CCDC3: variants seen among roughly 807,000 people sequenced by gnomAD.
The protein encoded by CCDC3 is coiled-coil domain-containing protein 3.
In CCDC3, 24 loss-of-function variants were observed where a neutral mutation model predicts 21.4. The ratio of observed to expected loss-of-function variants is 1.12; its 90% CI spans 0.81 to 1.58. The LOEUF is 1.58. Among genes scored for constraint, CCDC3 ranks in the 40% most tolerant of loss-of-function variants. The probability of loss-of-function intolerance (pLI) is 0.00; values close to 1 mark genes in which losing one functional copy is unlikely to be tolerated. For synonymous variants in CCDC3, 186 were observed against 166.0 expected, an observed-to-expected ratio of 1.12 and a Z score of -0.93; for missense variants, 425 against 360.9, an observed-to-expected ratio of 1.18 and a Z score of -1.44.
intron 5 of CCDC3, among the ~76,000 whole-genome samples, chr10:13,044,586 A>G (rs1836500251): frequency 6.6e-6 from 1 of 152,138 alleles, no homozygotes; most frequent in African/African-American, 2.4e-5. Context: ...TCCCAGCACC[A>G]TTTATTGAAT....
At chr10:13,084,384 G>A (rs1437967562) in intron 3 of CCDC3, among the ~76,000 whole-genome samples, 1 of 151,562 alleles carries the variant, frequency 6.6e-6, no homozygotes, top group Non-Finnish European at 1.5e-5. Flanking sequence ...CACCTCTCGG[G>A]TTCAAGCGAT....
chr10:12,972,761 G>C (rs540906919), intron 2 of CCDC3, among the ~76,000 whole-genome samples: 6 of 150,530 alleles, frequency 4.0e-5, no homozygotes, highest in Non-Finnish European at 8.9e-5. Context: ...AGGTTGCAGT[G>C]AGCCGAGATC....
intron 5 of CCDC3, among the ~76,000 whole-genome samples, chr10:13,025,675 C>A (rs979947119): frequency 1.3e-5 from 2 of 152,288 alleles, no homozygotes; most frequent in East Asian, 1.9e-4. Context: ...GTTGAGTGGC[C>A]TTTTCCTACT....
At chr10:13,085,297 C>T (rs1452327316) in intron 3 of CCDC3, among the ~76,000 whole-genome samples, 2 of 152,222 alleles carry the variant, frequency 1.3e-5, no homozygotes, top group Non-Finnish European at 1.5e-5. Flanking sequence ...TCCAGTGGTT[C>T]TTCCCAAAGA....
intron 2 of CCDC3, among the ~76,000 whole-genome samples, chr10:12,948,299 T>C (rs1444519713): frequency 1.3e-5 from 2 of 152,176 alleles, no homozygotes; most frequent in Non-Finnish European, 2.9e-5. Context: ...CCTCTTTCCT[T>C]CATAAATTAC....
chr10:13,002,689 A>C (rs1359248099), upstream of CCDC3, among the ~76,000 whole-genome samples: 2 of 152,202 alleles, frequency 1.3e-5, no homozygotes, highest in Non-Finnish European at 2.9e-5. Flanking sequence ...CTGAATATTT[A>C]AATTATGCAA....
chr10:12,972,074 T>C (rs1301092567), intron 2 of CCDC3, among the ~76,000 whole-genome samples: 3 of 152,152 alleles, frequency 2.0e-5, no homozygotes, highest in African/African-American at 7.2e-5. Flanking sequence ...GCTGGGAGCC[T>C]GGACTTCTCT....
intron 2 of CCDC3, among the ~76,000 whole-genome samples, chr10:12,923,911 T>G (rs1834493854): frequency 6.6e-6 from 1 of 152,216 alleles, no homozygotes; most frequent in South Asian, 2.1e-4. Flanking sequence ...ACTCCAACCC[T>G]GCTCCTCTAC....
chr10:12,915,652 G>T (rs994397413), intron 2 of CCDC3, among the ~76,000 whole-genome samples: 5 of 152,206 alleles, frequency 3.3e-5, no homozygotes, highest in African/African-American at 1.2e-4. Flanking sequence ...CAGAGATTCT[G>T]GGCAGGCTGT....
intron 5 of CCDC3, among the ~76,000 whole-genome samples, chr10:13,037,534 T>C (rs747606685): frequency 6.6e-6 from 1 of 152,304 alleles, no homozygotes; most frequent in African/African-American, 2.4e-5. Flanking sequence ...AAAATTATCA[T>C]CTCTCTCCTC....
At chr10:12,929,125 G>C (rs572588177) in intron 2 of CCDC3, among the ~76,000 whole-genome samples, 2 of 152,022 alleles carry the variant, frequency 1.3e-5, no homozygotes, top group Non-Finnish European at 2.9e-5. Flanking sequence ...AGCTGGGCGC[G>C]ATGGCAGGCA....
chr10:13,054,246 T>C (rs1836652702), intron 4 of CCDC3, among the ~76,000 whole-genome samples: 1 of 151,704 alleles, frequency 6.6e-6, no homozygotes, highest in African/African-American at 2.4e-5. Context: ...ACAATCTGCA[T>C]TCCCTCCAAT....
intron 2 of CCDC3, among the ~76,000 whole-genome samples, chr10:12,982,879 G>A (rs1394775708): frequency 1.3e-5 from 2 of 149,654 alleles, no homozygotes; most frequent in African/African-American, 4.9e-5. Flanking sequence ...TTGGGTGGCC[G>A]AGGTGGGCAG....
In CCDC3 at chr10:12,907,700, G is replaced by A. The variant is rs191253252; in HGVS notation, c.550-9021C>T. ...CGATTTGTTCTGGTAAGATCTGGGA[G>A]CTGGATTTAAGGAGCCCTGAACTTG... On this transcript the variant is annotated intron_variant, in intron 2 of 2. Transcript: ENST00000378825. Among the ~76,000 whole-genome samples, 63 of 152,272 alleles carry A rather than the reference G, an allele frequency of 4.1e-4. 1 individual carries two copies. Among genetic ancestry groups the A allele is most frequent in the African/African-American group, 1.5e-3 (61 of 41,564 alleles).
intron 2 of CCDC3, among the ~76,000 whole-genome samples, chr10:12,908,884 G>A (rs747006021): frequency 3.3e-5 from 5 of 152,164 alleles, no homozygotes; most frequent in Admixed American, 6.5e-5. Flanking sequence ...GGACCACGGC[G>A]CCTGGCCAGA....
At chr10:12,926,623 A>C (rs995718673) in intron 2 of CCDC3, among the ~76,000 whole-genome samples, 1 of 152,234 alleles carries the variant, frequency 6.6e-6, no homozygotes, top group Non-Finnish European at 1.5e-5. Flanking sequence ...AAACAACTAA[A>C]TATAAATGGA....
intron 2 of CCDC3, among the ~76,000 whole-genome samples, chr10:12,982,596 C>G (rs1835517201): frequency 6.6e-6 from 1 of 151,518 alleles, no homozygotes; most frequent in Non-Finnish European, 1.5e-5. Context: ...GAGTTCAAGA[C>G]CAGCCTGACC....
At chr10:12,937,808 G>A (rs753103055) in intron 2 of CCDC3, among the ~76,000 whole-genome samples, 15 of 152,066 alleles carry the variant, frequency 9.9e-5, no homozygotes, top group Admixed American at 4.6e-4. Flanking sequence ...AGGCCACTAC[G>A]GTCCCCTTAC....
chr10:13,000,375 G>A (rs916975688), intron 1 of CCDC3, among the ~76,000 whole-genome samples: 2 of 152,028 alleles, frequency 1.3e-5, no homozygotes, highest in African/African-American at 4.8e-5. Flanking sequence ...TGAATTCTTA[G>A]GCAGATGCAT....
Sources: allele counts gnomAD v4.1 joint callset (sites outside exome capture counted in the v4.1 genomes callset), GRCh38; gene constraint gnomAD v4.1.1; transcripts MANE v1.5; gene names NCBI Gene and HGNC (gene_info 2026-07-23, HGNC 2026-07-21).